The following PDZD2 variants were observed in gnomAD, a reference collection of about 807,000 sequenced individuals.
PDZD2 encodes the protein PDZ domain-containing protein 2.
In PDZD2, 90 loss-of-function variants were observed where a neutral mutation model predicts 220.7. That is an observed-to-expected ratio of 0.41 (90% CI 0.34 to 0.49). The LOEUF (loss-of-function observed/expected upper bound fraction) is 0.49. Ranked by LOEUF, PDZD2 falls within the 20% of genes least tolerant of loss-of-function variation. The probability of loss-of-function intolerance (pLI) is 0.28; values close to 1 mark genes in which losing one functional copy is unlikely to be tolerated. For synonymous variants in PDZD2, 1,375 were observed against 1,450.5 expected, an observed-to-expected ratio of 0.95 and a Z score of 1.18; for missense variants, 3,174 against 3,608.5, an observed-to-expected ratio of 0.88 and a Z score of 3.08.
At position 32,098,286 on chromosome 5, in the gene PDZD2, CAGTT is replaced by C. The variant is rs1436888714; in HGVS notation, c.7948-72_7948-69del. The C allele has an allele frequency of 8.8e-6, 12 of 1,360,350 alleles. No individual in the cohort carries two copies. The highest frequency in any genetic ancestry group is 1.9e-4 in the Middle Eastern group (1 of 5,328). The allele number at this position is 1,360,350 out of a possible 1,614,324, so 84.3% of individuals were successfully genotyped here. A position where few individuals can be genotyped will look rare whatever the true frequency, so the allele number is the denominator to read the frequency against. On this transcript the variant is annotated intron_variant, in intron 22 of 24. Coordinates refer to ENST00000438447, the MANE Select transcript of PDZD2 (RefSeq NM_178140.4). The surrounding 1 kb of genome is among the most constrained non-coding windows in gnomAD (Gnocchi z 4.1). ...GGAAGGTTCCTTTACTACAGATACG[CAGTT>C]AGTTACTATCTCCCTTTTACCGGAA...
At chr5:31,883,964 G>C (rs7716524) in intron 2 of PDZD2, among the ~76,000 whole-genome samples, 23,571 of 152,026 alleles carry the variant, frequency 0.16, 5,187 homozygotes, top group African/African-American at 0.49. Context: ...TGTTATCCCA[G>C]CACTTTGGGA....
At chr5:31,901,144 A>G (rs116682916) in intron 2 of PDZD2, among the ~76,000 whole-genome samples, 4,363 of 152,212 alleles carry the variant, frequency 0.029, 95 homozygotes, top group Non-Finnish European at 0.043. Context: ...TTGGCCGGGC[A>G]TGGTGGCTCA....
chr5:32,035,153 A>G (rs1755434581), intron 6 of PDZD2, among the ~76,000 whole-genome samples: 1 of 152,232 alleles, frequency 6.6e-6, no homozygotes, highest in Admixed American at 6.5e-5. Context: ...GGAATCTTCC[A>G]AACTTTACAT....
intron 2 of PDZD2, among the ~76,000 whole-genome samples, chr5:31,834,664 A>AG (rs1427139921): frequency 6.6e-6 from 1 of 151,610 alleles, no homozygotes; most frequent in African/African-American, 2.4e-5. Context: ...GGAAAAAAAA[A>AG]ATCAGTGATT....
At chr5:31,776,078 A>G (rs1200752714) in intron 1 of PDZD2, among the ~76,000 whole-genome samples, 3 of 152,166 alleles carry the variant, frequency 2.0e-5, no homozygotes, top group Admixed American at 2.0e-4. Context: ...TCCTGACAAG[A>G]GTGCCAAGCT....
At chr5:31,773,745 A>T (rs1752473368) in intron 1 of PDZD2, among the ~76,000 whole-genome samples, 1 of 152,222 alleles carries the variant, frequency 6.6e-6, no homozygotes, top group Non-Finnish European at 1.5e-5. Context: ...CCTGAAATTC[A>T]GTATTAATAC....
intron 2 of PDZD2, among the ~76,000 whole-genome samples, chr5:31,972,950 TAAAG>T (rs1267158121): frequency 2.0e-4 from 31 of 152,346 alleles, no homozygotes; most frequent in Admixed American, 5.2e-4. Context: ...AGTAATTTAA[TAAAG>T]AAATGCAATC....
chr5:32,057,108 AT>A (rs948491590), intron 10 of PDZD2, among the ~76,000 whole-genome samples: 6 of 151,458 alleles, frequency 4.0e-5, no homozygotes, highest in African/African-American at 2.4e-5. Context: ...TCAAAAAAAA[AT>A]TTTTTTTTAG....
At chr5:32,053,067 A>T (rs1176597093) in intron 9 of PDZD2, among the ~76,000 whole-genome samples, 2 of 152,260 alleles carry the variant, frequency 1.3e-5, no homozygotes, top group Non-Finnish European at 2.9e-5. Flanking sequence ...TGGCCTCTGT[A>T]TGGATTCAAG....
intron 3 of PDZD2, among the ~76,000 whole-genome samples, chr5:31,988,708 G>A (rs911189498): frequency 6.6e-6 from 1 of 152,174 alleles, no homozygotes; most frequent in Non-Finnish European, 1.5e-5. Flanking sequence ...CTGATATCCA[G>A]TTTCTTATTC....
intron 1 of PDZD2, among the ~76,000 whole-genome samples, chr5:31,705,819 T>C (rs1747796554): frequency 6.6e-6 from 1 of 151,932 alleles, no homozygotes; most frequent in South Asian, 2.1e-4. Flanking sequence ...GGAGGCTGAG[T>C]TGGGTGGATC....
chr5:32,040,356 T>C (rs6863267), intron 7 of PDZD2, among the ~76,000 whole-genome samples: 79,737 of 140,386 alleles, frequency 0.57, 22,385 homozygotes, highest in Non-Finnish European at 0.6. Flanking sequence ...CCCCTCTGCC[T>C]GGCCGCCCCG....
intron 1 of PDZD2, among the ~76,000 whole-genome samples, chr5:31,781,166 C>A (rs1753042405): frequency 6.6e-6 from 1 of 152,190 alleles, no homozygotes; most frequent in African/African-American, 2.4e-5. Flanking sequence ...GTAATCCCAG[C>A]ACTTTGGGAG....
chr5:32,006,495 C>G (rs13356521), intron 5 of PDZD2, among the ~76,000 whole-genome samples: 4,001 of 151,598 alleles, frequency 0.026, 167 homozygotes, highest in African/African-American at 0.087. Flanking sequence ...ACTGGGACTA[C>G]AGACACGTGC....
intron 8 of PDZD2, among the ~76,000 whole-genome samples, chr5:32,051,716 G>T (rs1286456607): frequency 6.6e-6 from 1 of 152,192 alleles, no homozygotes; most frequent in Non-Finnish European, 1.5e-5. Context: ...GTGTCAGGAA[G>T]GGAAAGTGTG....
intron 1 of PDZD2, among the ~76,000 whole-genome samples, chr5:31,700,101 G>C (rs1747551449): frequency 6.6e-6 from 1 of 152,158 alleles, no homozygotes; most frequent in Admixed American, 6.6e-5. Flanking sequence ...AGGTGATTTG[G>C]CTCGAATGAG....
intron 5 of PDZD2, among the ~76,000 whole-genome samples, chr5:32,009,030 T>G (rs1050738356): frequency 1.3e-5 from 2 of 148,366 alleles, no homozygotes; most frequent in Non-Finnish European, 3.0e-5. Context: ...GTTTGGAGAG[T>G]GGGGCAGAAG....
At chr5:31,937,956 G>T (rs1049213949) in intron 2 of PDZD2, among the ~76,000 whole-genome samples, 1 of 152,240 alleles carries the variant, frequency 6.6e-6, no homozygotes, top group African/African-American at 2.4e-5. Flanking sequence ...TGGGAGCTAA[G>T]AATGTGTTTT....
chr5:31,693,741 T>C (rs1367313489), intron 1 of PDZD2, among the ~76,000 whole-genome samples: 1 of 152,156 alleles, frequency 6.6e-6, no homozygotes, highest in African/African-American at 2.4e-5. Context: ...TCCAGTTCGC[T>C]GGCATATTCC....
Sources: allele counts gnomAD v4.1 joint callset (sites outside exome capture counted in the v4.1 genomes callset), GRCh38; gene constraint gnomAD v4.1.1; non-coding constraint Gnocchi (gnomAD v3.1); transcripts MANE v1.5; gene names NCBI Gene and HGNC (gene_info 2026-07-23, HGNC 2026-07-21).